CLEC9A: variants seen among roughly 807,000 people sequenced by gnomAD.
The protein encoded by CLEC9A is C-type lectin domain containing 9A.
In CLEC9A, 24 loss-of-function variants were observed where a neutral mutation model predicts 30.0. The observed-to-expected ratio is 0.80, with a 90% confidence interval of 0.58 to 1.13. The LOEUF (loss-of-function observed/expected upper bound fraction) is 1.13, where lower values mean the gene tolerates loss of function less well. Ranked by LOEUF, CLEC9A falls within the 50% of genes most tolerant of loss-of-function variation. The pLI is 0.00. For missense variants in CLEC9A, 251 were observed against 280.9 expected (o/e 0.89, Z 0.76); for synonymous variants, 111 against 96.8 (o/e 1.15, Z -0.86).
rs952185012 is a variant in CLEC9A, at chr12:10,030,758, A to G, written c.-532A>G. 6.6e-6 allele frequency: 1 copy of G among 152,220 alleles called. No individual in the cohort carries two copies. Among genetic ancestry groups the G allele is most frequent in the South Asian group, 2.1e-4 (1 of 4,832 alleles). 9.4% of individuals were successfully genotyped at this position (152,220 alleles called of 1,614,324 possible). On this transcript the variant is annotated 5_prime_UTR_variant, in exon 1 of 9. Transcript: ENST00000355819. ...TGGCAACATGTTTTGATTCTTCTCA[A>G]ATAACTCGCAAGCTCTTGTGAAGCA...
intron 6 of CLEC9A, 126 bp downstream of exon 6, chr12:10,061,399 T>G (rs1203082161): frequency 3.1e-6 from 3 of 968,262 alleles, no homozygotes; most frequent in Admixed American, 3.7e-5. Flanking sequence ...AGTGACATAA[T>G]TTTGGTCACT....
chr12:10,065,111 A>C (rs962769885), intron 8 of CLEC9A, among the ~76,000 whole-genome samples: 16 of 152,298 alleles, frequency 1.1e-4, no homozygotes, highest in Middle Eastern at 3.4e-3. Context: ...ATAATTATCA[A>C]GTGTGTTTCT....
chr12:10,054,331 C>T lies in CLEC9A; in HGVS notation c.152C>T (p.Ser51Phe), dbSNP rs1447065096. ...TTCTGCATGGGATTATTAACAGCAT[C>T]CATTTTCTTGGGCGTCAAGTGTAAG... ...CVFCMGLLTA[S>F]IFLGVKLLQV... Residue 51 changes from serine to phenylalanine, a missense_variant, in exon 5 of 9, where the codon TCC becomes TTC. Ser to Phe is a radical substitution (Grantham distance 155). Transcript: ENST00000355819. The T allele has an allele frequency of 6.2e-7, 1 of 1,612,084 alleles. No homozygotes were observed.
At chr12:10,043,871 G>A (rs935978686) in intron 2 of CLEC9A, among the ~76,000 whole-genome samples, 16 of 151,930 alleles carry the variant, frequency 1.1e-4, no homozygotes, top group Admixed American at 6.6e-4. Context: ...AGTAGAGATC[G>A]GGTTTCAGCA....
intron 1 of CLEC9A, chr12:10,040,855 GC>G (rs1456871102): frequency 5.2e-6 from 1 of 190,826 alleles, no homozygotes; most frequent in African/African-American, 2.4e-5. Context: ...TAGCTGTCAT[GC>G]AGCAAAATTA....
chr12:10,039,965 G>A (rs1339817913), intron 1 of CLEC9A, among the ~76,000 whole-genome samples: 1 of 152,122 alleles, frequency 6.6e-6, no homozygotes, highest in Non-Finnish European at 1.5e-5. Context: ...TGGCATTACA[G>A]GTGTGCACCA....
intron 5 of CLEC9A, among the ~76,000 whole-genome samples, chr12:10,058,583 T>A (rs928840964): frequency 5.3e-5 from 8 of 152,104 alleles, no homozygotes; most frequent in African/African-American, 1.7e-4. Context: ...CAGGCCGGAG[T>A]GCGGAGTGCA....
chr12:10,063,280 A>G (rs1020070820), intron 7 of CLEC9A, 74 bp downstream of exon 7: 8 of 1,319,444 alleles, frequency 6.1e-6, no homozygotes, highest in Non-Finnish European at 7.9e-6. Context: ...CCTCATTCTC[A>G]TAAGACAAAA....
chr12:10,041,639 C>T lies in CLEC9A; in HGVS notation c.-163+19C>T. 1.9e-6 allele frequency: 1 copy of T among 528,622 alleles called. No homozygotes were observed. The highest frequency in any genetic ancestry group is 3.8e-6 in the Non-Finnish European group (1 of 262,104). The allele number at this position is 528,622 out of a possible 1,614,324, so 32.7% of individuals were successfully genotyped here. A position where few individuals can be genotyped will look rare whatever the true frequency, so the allele number is the denominator to read the frequency against. Reference sequence around the variant, plus strand: ...CATTCTGGTAAGAAGATTCTTATGTCAAATATTTTGGAGGCAAGGGAGAAA... The same window carrying T: ...CATTCTGGTAAGAAGATTCTTATGTTAAATATTTTGGAGGCAAGGGAGAAA... On this transcript the variant is annotated intron_variant, in intron 2 of 8. Transcript: ENST00000355819.
chr12:10,064,169 A>C lies in CLEC9A; in HGVS notation c.472-563A>C, dbSNP rs183526558. Among the ~76,000 whole-genome samples the C allele has an allele frequency of 1.3e-3, 204 of 152,350 alleles. 1 individual carries two copies. Among genetic ancestry groups the C allele is most frequent in the African/African-American group, 4.6e-3 (192 of 41,590 alleles). ...TCAGTAATTAGATGAAGTTCATTTC[A>C]ACAAAAATCATGAGAAAATAATTTG... On this transcript the variant is annotated intron_variant, in intron 7 of 8. Transcript: ENST00000355819.
chr12:10,050,588 G>T (rs1367373734), intron 2 of CLEC9A, among the ~76,000 whole-genome samples: 1 of 152,148 alleles, frequency 6.6e-6, no homozygotes, highest in Non-Finnish European at 1.5e-5. Context: ...AGTAATAAAA[G>T]GAACATATTA....
At chr12:10,054,432 T>C (rs1453989587) in intron 5 of CLEC9A, 81 bp downstream of exon 5, 1 of 911,046 alleles carries the variant, frequency 1.1e-6, no homozygotes, top group East Asian at 2.7e-5. Flanking sequence ...GGAAAATCAA[T>C]TCATATGTGA....
At chr12:10,036,453 C>A (rs920147108) in intron 1 of CLEC9A, among the ~76,000 whole-genome samples, 1 of 152,130 alleles carries the variant, frequency 6.6e-6, no homozygotes, top group Non-Finnish European at 1.5e-5. Flanking sequence ...ATAGAAGCAC[C>A]TGAGGCTTTA....
In CLEC9A at chr12:10,063,430, T is replaced by G. The variant is rs139345447; in HGVS notation, c.471+224T>G. Among the ~76,000 whole-genome samples the G allele has an allele frequency of 1.2e-3, 182 of 152,308 alleles. 1 individual carries two copies. Among genetic ancestry groups the G allele is most frequent in the African/African-American group, 4.3e-3 (178 of 41,552 alleles). On this transcript the variant is annotated intron_variant, in intron 7 of 8. Coordinates refer to ENST00000355819, the MANE Select transcript of CLEC9A (RefSeq NM_207345.4). ...GTTTTCTGAAATCGAGAAGAATATG[T>G]TTGTTCTATGTCCTTGGTTAATTAA...
At chr12:10,038,828 G>A (rs184898852) in intron 1 of CLEC9A, among the ~76,000 whole-genome samples, 2 of 148,622 alleles carry the variant, frequency 1.3e-5, no homozygotes, top group East Asian at 2.0e-4. Context: ...GTTATAGGAT[G>A]GGTGGGCATA....
chr12:10,031,417 G>A (rs896969201), intron 1 of CLEC9A, among the ~76,000 whole-genome samples: 1 of 152,132 alleles, frequency 6.6e-6, no homozygotes, highest in Admixed American at 6.5e-5. Context: ...TCTCCAGGAG[G>A]CCATCCCTGG....
chr12:10,052,444 C>G, intron 3 of CLEC9A, 186 bp from the exon 4 acceptor site: 1 of 1,118,264 alleles, frequency 8.9e-7, no homozygotes, highest in Non-Finnish European at 1.1e-6. Context: ...CTATCATTGG[C>G]CATTCTAAAT....
Position 10,061,203 on chromosome 12 carries a change from A to G in CLEC9A, c.249A>G (p.Thr83=). 1 of 1,612,752 alleles carries G rather than the reference A, an allele frequency of 6.2e-7. No individual in the cohort carries two copies. Among genetic ancestry groups the G allele is most frequent in the South Asian group, 1.1e-5 (1 of 90,738 alleles). Residue 83 remains threonine (T), a synonymous_variant, in exon 6 of 9, where the codon ACA becomes ACG. Transcript: ENST00000355819. ...IQQERALLNF[T]EWKRSCALQM... is the part of the protein sequence containing the mutation. ...AAGAGAGGGCACTGCTAAACTTTAC[A>G]GAATGGAAGAGAAGCTGTGCCCTTC...
intron 7 of CLEC9A, 127 bp from the exon 8 acceptor site, chr12:10,064,605 C>A: frequency 1.0e-6 from 1 of 964,718 alleles, no homozygotes; most frequent in Non-Finnish European, 1.5e-6. Context: ...TATAATACTC[C>A]CTTCTCTCCT....
Sources: allele counts gnomAD v4.1 joint callset (sites outside exome capture counted in the v4.1 genomes callset), GRCh38; gene constraint gnomAD v4.1.1; transcripts MANE v1.5; gene names NCBI Gene and HGNC (gene_info 2026-07-23, HGNC 2026-07-21).